CSMD2: variants seen among roughly 807,000 people sequenced by gnomAD.
The protein encoded by CSMD2 is CUB and sushi domain-containing protein 2.
CSMD2 carries 130 observed loss-of-function variants against 398.5 expected under a neutral mutation model. The observed-to-expected ratio is 0.33, with a 90% CI of 0.28 to 0.38. CSMD2 has a LOEUF of 0.38. CSMD2 is among the 10% of genes least tolerant of loss of function. The pLI, the probability that CSMD2 is intolerant of heterozygous loss-of-function variation, is 1.00. For missense variants in CSMD2, 3,829 were observed against 4,764.9 expected (o/e 0.80, Z 5.78); for synonymous variants, 1,828 against 1,908.5 (o/e 0.96, Z 1.10).
chr1:33,707,950 T>C (rs1024755911), intron 22 of CSMD2, among the ~76,000 whole-genome samples: 1 of 152,186 alleles, frequency 6.6e-6, no homozygotes, highest in Non-Finnish European at 1.5e-5. Flanking sequence ...AATAAAACTA[T>C]ATTAGAAAAA....
At chr1:33,935,489 G>A (rs952544339) in intron 4 of CSMD2, among the ~76,000 whole-genome samples, 2 of 152,206 alleles carry the variant, frequency 1.3e-5, no homozygotes, top group African/African-American at 4.8e-5. Flanking sequence ...AGACAGGAGG[G>A]CTAGAGGTAA....
At position 33,671,221 on chromosome 1, in the gene CSMD2, G is replaced by A. The variant is rs149619827; in HGVS notation, c.4053-8129C>T. ...TCCTAGTGAGAGCAGTTTCCTTGGT[G>A]CTGGGGCAGGGCTGAGGGCAGTGAG... On this transcript the variant is annotated intron_variant, in intron 25 of 70. Transcript: ENST00000373381. Among the ~76,000 whole-genome samples the A allele has an allele frequency of 1.1e-3, 168 of 152,324 alleles. 1 individual carries two copies. The highest frequency in any genetic ancestry group is 3.7e-3 in the African/African-American group (153 of 41,582).
chr1:33,964,701 C>A (rs745586513), intron 3 of CSMD2, among the ~76,000 whole-genome samples: 2 of 152,178 alleles, frequency 1.3e-5, no homozygotes, highest in African/African-American at 2.4e-5. Flanking sequence ...CATATGAAAG[C>A]CCCTGCTCCC....
chr1:33,551,039 A>T, intron 55 of CSMD2, among the ~76,000 whole-genome samples: 1 of 152,188 alleles, frequency 6.6e-6, no homozygotes, highest in East Asian at 1.9e-4. Flanking sequence ...CATGTGCTAG[A>T]CACTCCGTGT....
chr1:33,668,842 G>A (rs574692773), intron 25 of CSMD2, among the ~76,000 whole-genome samples: 1 of 152,356 alleles, frequency 6.6e-6, no homozygotes, highest in South Asian at 2.1e-4. Context: ...GTCAAGCTCT[G>A]TGTTGAGAGC....
Position 33,557,241 on chromosome 1 carries a change from A to T in CSMD2, c.8743+493T>A, listed in dbSNP as rs190901115. Among the ~76,000 whole-genome samples the T allele has an allele frequency of 2.4e-4, 36 of 152,274 alleles. No homozygotes were observed. The East Asian group carries it at 7.0e-3, about 29-fold the overall frequency. ...GAAGAAACTGACGCTCTGAGAGGTT[A>T]GTGAATTTTTCCCAAACCACACTAC... On this transcript the variant is annotated intron_variant, in intron 55 of 70. Coordinates refer to ENST00000373381, the MANE Select transcript of CSMD2 (RefSeq NM_001281956.2).
chr1:33,854,535 C>T (rs1407123), intron 5 of CSMD2, among the ~76,000 whole-genome samples: 3,977 of 152,276 alleles, frequency 0.026, 185 homozygotes, highest in African/African-American at 0.09. Context: ...CTTCCCCAGT[C>T]CTAGTTCCTC....
At chr1:33,725,263 G>A in intron 17 of CSMD2, 86 bp downstream of exon 17, 1 of 1,141,366 alleles carries the variant, frequency 8.8e-7, no homozygotes, top group Non-Finnish European at 1.3e-6. Flanking sequence ...GGCCAAGCAG[G>A]GGCCTGTGGT....
chr1:33,894,307 C>T (rs141175356), intron 5 of CSMD2, among the ~76,000 whole-genome samples: 9 of 152,204 alleles, frequency 5.9e-5, no homozygotes, highest in African/African-American at 1.2e-4. Context: ...CTGTAATACT[C>T]GATCTTTCAG....
intron 57 of CSMD2, among the ~76,000 whole-genome samples, chr1:33,544,758 G>C (rs1481357361): frequency 6.6e-6 from 1 of 151,038 alleles, no homozygotes; most frequent in Non-Finnish European, 1.5e-5. Flanking sequence ...AGCAGAGTAG[G>C]GAGACTATAG....
chr1:34,015,596 G>C (rs888314502), intron 3 of CSMD2, among the ~76,000 whole-genome samples: 2 of 152,146 alleles, frequency 1.3e-5, no homozygotes, highest in African/African-American at 4.8e-5. Flanking sequence ...AAGGGCTGTA[G>C]GGGTTCCAGA....
At chr1:33,717,337 T>C (rs894137495) in intron 19 of CSMD2, among the ~76,000 whole-genome samples, 1 of 151,884 alleles carries the variant, frequency 6.6e-6, no homozygotes, top group Admixed American at 6.6e-5. Context: ...ATCAGTTATA[T>C]TGGTGGCTGC....
chr1:33,578,409 C>A (rs531651517), intron 48 of CSMD2, among the ~76,000 whole-genome samples: 54 of 152,208 alleles, frequency 3.5e-4, no homozygotes, highest in African/African-American at 1.2e-3. Context: ...GAAACCTCAT[C>A]TCTACTAACA....
At chr1:33,629,554 A>G (rs954725344) in intron 32 of CSMD2, among the ~76,000 whole-genome samples, 1 of 152,232 alleles carries the variant, frequency 6.6e-6, no homozygotes, top group East Asian at 1.9e-4. Flanking sequence ...AACATTCACA[A>G]TCATTGATAC....
At chr1:33,810,612 A>C (rs1191551930) in intron 10 of CSMD2, 131 bp downstream of exon 10, 7 of 951,288 alleles carry the variant, frequency 7.4e-6, no homozygotes, top group Non-Finnish European at 9.2e-6. Flanking sequence ...ATATTAATAA[A>C]AAAAAAAGTA....
At chr1:33,684,305 T>C (rs1320690530) in intron 25 of CSMD2, among the ~76,000 whole-genome samples, 2 of 152,198 alleles carry the variant, frequency 1.3e-5, no homozygotes, top group African/African-American at 4.8e-5. Flanking sequence ...TTAAGAAGTA[T>C]CCCTGAAGTT....
intron 10 of CSMD2, among the ~76,000 whole-genome samples, chr1:33,810,392 T>C (rs950723206): frequency 6.6e-6 from 1 of 152,118 alleles, no homozygotes; most frequent in African/African-American, 2.4e-5. Flanking sequence ...GTGCTAAGTA[T>C]AAAGAAAAAC....
Position 33,917,557 on chromosome 1 carries a change from G to C in CSMD2, c.920+537C>G, listed in dbSNP as rs74069842. Among the ~76,000 whole-genome samples the C allele has an allele frequency of 2.7e-3, 405 of 152,280 alleles. 3 individuals carry two copies. Among genetic ancestry groups the C allele is most frequent in the African/African-American group, 9.2e-3 (383 of 41,558 alleles). On this transcript the variant is annotated intron_variant, in intron 5 of 70. Transcript: ENST00000373381. ...ACTCTCCATGAAGCACACTACAGAA[G>C]AGCCTGCACTTTTTTAGCAAAGCCA...
At chr1:34,128,380 C>A (rs1372459501) in intron 1 of CSMD2, among the ~76,000 whole-genome samples, 1 of 152,184 alleles carries the variant, frequency 6.6e-6, no homozygotes, top group Non-Finnish European at 1.5e-5. Flanking sequence ...AAAGACTGTA[C>A]CCGCAGGAAG....
Sources: allele counts gnomAD v4.1 joint callset (sites outside exome capture counted in the v4.1 genomes callset), GRCh38; gene constraint gnomAD v4.1.1; transcripts MANE v1.5; gene names NCBI Gene and HGNC (gene_info 2026-07-23, HGNC 2026-07-21).